The following PCDHGB3 variants were observed in gnomAD, a reference collection of about 807,000 sequenced individuals.
PCDHGB3 encodes protocadherin gamma subfamily B, 3, also known as protocadherin gamma-B3.
A neutral mutation model predicts 59.2 loss-of-function variants in PCDHGB3; 40 were observed. The ratio of observed to expected loss-of-function variants is 0.68; its 90% CI spans 0.52 to 0.88. PCDHGB3 has a LOEUF of 0.88. Among genes scored for constraint, PCDHGB3 ranks in the 40% least tolerant of loss-of-function variants. The pLI is 0.00. For missense variants in PCDHGB3, 1,309 were observed against 1,187.9 expected (o/e 1.10, Z -1.50); for synonymous variants, 581 against 503.6 (o/e 1.15, Z -2.06).
Position 141,409,704 on chromosome 5 carries a change from T to C in PCDHGB3, c.2415+36895T>C. ...GCGAGTGACCTAGAGCCCCTGGCGG[T>C]GTCGTCATACGTGTCAGTGAGCGCG... On this transcript the variant is annotated intron_variant, in intron 1 of 3. Transcript: ENST00000576222. 6.2e-7 allele frequency: 1 copy of C among 1,613,248 alleles called. No homozygotes were observed. Among genetic ancestry groups the C allele is most frequent in the South Asian group, 1.1e-5 (1 of 91,072 alleles).
At chr5:141,376,617 G>A (rs1235600949) in intron 1 of PCDHGB3, 24 of 1,406,610 alleles carry the variant, frequency 1.7e-5, no homozygotes, top group Non-Finnish European at 2.2e-5. Context: ...ACCTCTTTTG[G>A]TACAGGAAGA....
At chr5:141,406,515 T>C (rs2094818414) in intron 1 of PCDHGB3, among the ~76,000 whole-genome samples, 1 of 152,234 alleles carries the variant, frequency 6.6e-6, no homozygotes, top group Non-Finnish European at 1.5e-5. Context: ...TGTTTGTGTT[T>C]ACAGATATTT....
At chr5:141,450,006 CTT>C (rs1554136305) in intron 1 of PCDHGB3, among the ~76,000 whole-genome samples, 13 of 132,938 alleles carry the variant, frequency 9.8e-5, no homozygotes, top group Non-Finnish European at 7.9e-5. Flanking sequence ...TGCCATGTCT[CTT>C]TTTTTTTTTT....
chr5:141,412,942 A>G, intron 1 of PCDHGB3: 1 of 465,476 alleles, frequency 2.1e-6, no homozygotes, highest in Non-Finnish European at 3.8e-6. Flanking sequence ...TAGGACTCTG[A>G]GCGCCGCTGT....
intron 1 of PCDHGB3, chr5:141,374,236 T>G: frequency 6.2e-7 from 1 of 1,613,974 alleles, no homozygotes; most frequent in African/African-American, 1.3e-5. Flanking sequence ...TCGTCAAGGA[T>G]CTGGGACTGG....
At chr5:141,389,498 A>T (rs376900362) in intron 1 of PCDHGB3, 6 of 1,612,928 alleles carry the variant, frequency 3.7e-6, no homozygotes, top group African/African-American at 1.3e-5. Context: ...AGGGCTCGCC[A>T]GCGCTCAGCG....
chr5:141,420,065 G>T, intron 1 of PCDHGB3: 1 of 1,614,018 alleles, frequency 6.2e-7, no homozygotes, highest in East Asian at 2.2e-5. Flanking sequence ...CTCCAAGTCC[G>T]GACCTGTGGG....
At position 141,432,554 on chromosome 5, in the gene PCDHGB3, G is replaced by A. The variant is rs757821109; in HGVS notation, c.2415+59745G>A. The A allele has an allele frequency of 9.3e-6, 15 of 1,613,832 alleles. No homozygotes were observed. Among genetic ancestry groups the A allele is most frequent in the Non-Finnish European group, 1.3e-5 (15 of 1,180,006 alleles). On this transcript the variant is annotated intron_variant, in intron 1 of 3. Coordinates refer to ENST00000576222, the MANE Select transcript of PCDHGB3 (RefSeq NM_018924.5). The surrounding 1 kb of genome is among the most constrained non-coding windows in gnomAD (Gnocchi z 6.0). ...GGTGGTGGCGGTGGACAGAGACTCCGGCCAGAACGCCTGGCTGTCCTACCG... is the reference window on the plus strand; with the variant it reads ...GGTGGTGGCGGTGGACAGAGACTCCAGCCAGAACGCCTGGCTGTCCTACCG...
rs2097383894 is a variant in PCDHGB3, at chr5:141,431,489, C to T, written c.2415+58680C>T. On this transcript the variant is annotated intron_variant, in intron 1 of 3. Transcript: ENST00000576222. This position sits in a 1 kb window ranked among gnomAD's most constrained non-coding sequence, Gnocchi z 4.8. ...GAACGACAACGCACCAGCGTTTGCTCAGCCCGAGTACCGCGCGAGCGTTCC... is the reference window on the plus strand; with the variant it reads ...GAACGACAACGCACCAGCGTTTGCTTAGCCCGAGTACCGCGCGAGCGTTCC... The T allele has an allele frequency of 1.2e-6, 2 of 1,613,850 alleles. No homozygotes were observed. The highest frequency in any genetic ancestry group is 3.3e-5 in the Admixed American group (2 of 60,016).
rs894786663 is a variant in PCDHGB3 at position 141,371,734 on chromosome 5, A to G, written c.1340A>G (p.Asp447Gly). The G allele has an allele frequency of 1.2e-6, 2 of 1,614,042 alleles. No individual in the cohort carries two copies. Among genetic ancestry groups the G allele is most frequent in the Non-Finnish European group, 1.7e-6 (2 of 1,179,892 alleles). ...ACTCTGCACATCCTTGATGTCAACG[A>G]CAACGTTCCCGTTTTCCACCAGGCC... Reference protein sequence around the residue: ...TITLHILDVNDNVPVFHQASY... With the variant: ...TITLHILDVNGNVPVFHQASY... Residue 447 changes from aspartate (D) to glycine (G), a missense_variant, in exon 1 of 4, where the codon GAC becomes GGC. Coordinates refer to ENST00000576222, the MANE Select transcript of PCDHGB3 (RefSeq NM_018924.5).
Position 141,371,021 on chromosome 5 carries a change from C to T in PCDHGB3, c.627C>T (p.His209=), listed in dbSNP as rs1767401708. ...PLDREEQPHH[H]LVLTAVDGGE... ...ACAGGGAAGAGCAGCCACATCACCA[C>T]CTGGTCCTCACAGCTGTGGATGGGG... Residue 209 remains histidine, a synonymous_variant, in exon 1 of 4, where the codon CAC becomes CAT. Transcript: ENST00000576222. The T allele has an allele frequency of 1.2e-6, 2 of 1,614,026 alleles. No individual in the cohort carries two copies. The highest frequency in any genetic ancestry group is 2.2e-5 in the South Asian group (2 of 91,092).
chr5:141,376,447 C>T (rs777597745), intron 1 of PCDHGB3: 83 of 1,614,064 alleles, frequency 5.1e-5, no homozygotes, highest in Admixed American at 1.3e-4. Context: ...ATGAGAAAAG[C>T]GAGCCTCTTC....
At chr5:141,384,870 C>G in intron 1 of PCDHGB3, 4 of 1,613,806 alleles carry the variant, frequency 2.5e-6, no homozygotes, top group South Asian at 1.1e-5. Context: ...TGTCAGCCAC[C>G]GTCACACTCA....
intron 2 of PCDHGB3, among the ~76,000 whole-genome samples, chr5:141,502,135 G>A (rs1254187943): frequency 6.6e-6 from 1 of 152,154 alleles, no homozygotes; most frequent in East Asian, 1.9e-4. Context: ...GAGCTCAGTC[G>A]GGCCGGAAGT....
intron 1 of PCDHGB3, chr5:141,421,895 G>T: frequency 2.5e-6 from 4 of 1,613,730 alleles, no homozygotes; most frequent in Non-Finnish European, 3.4e-6. Context: ...GATCCCATCC[G>T]AAAGGGCGCA....
chr5:141,413,739 C>A (rs748041372), intron 1 of PCDHGB3: 1 of 1,613,424 alleles, frequency 6.2e-7, no homozygotes, highest in South Asian at 1.1e-5. Context: ...GAGTTCAGAG[C>A]CGTGCCAATG....
Position 141,372,680 on chromosome 5 carries a change from C to T in PCDHGB3, c.2286C>T (p.Asn762=). 6.2e-7 allele frequency: 1 copy of T among 1,614,016 alleles called. No homozygotes were observed. Among genetic ancestry groups the T allele is most frequent in the South Asian group, 1.1e-5 (1 of 91,086 alleles). Residue 762 remains asparagine, a synonymous_variant, in exon 1 of 4, where the codon AAC becomes AAT. Coordinates refer to ENST00000576222, the MANE Select transcript of PCDHGB3 (RefSeq NM_018924.5). ...CGTGTGCTGCCTCACATTCCTCAAACACCGAGTTTAAATTTCTCAATATAA... is the reference window on the plus strand; with the variant it reads ...CGTGTGCTGCCTCACATTCCTCAAATACCGAGTTTAAATTTCTCAATATAA... ...YNPCAASHSS[N]TEFKFLNIKA...
intron 1 of PCDHGB3, among the ~76,000 whole-genome samples, chr5:141,494,496 T>A (rs147870810): frequency 2.9e-3 from 442 of 152,264 alleles, no homozygotes; most frequent in Non-Finnish European, 4.9e-3. Flanking sequence ...ATGCCTTCAG[T>A]CCTTGAATTT....
intron 2 of PCDHGB3, among the ~76,000 whole-genome samples, chr5:141,496,841 G>C (rs2099771828): frequency 6.6e-6 from 1 of 151,398 alleles, no homozygotes; most frequent in South Asian, 2.1e-4. Context: ...GAACTCATAG[G>C]CTTCCAGACC....
Sources: allele counts gnomAD v4.1 joint callset (sites outside exome capture counted in the v4.1 genomes callset), GRCh38; gene constraint gnomAD v4.1.1; non-coding constraint Gnocchi (gnomAD v3.1); transcripts MANE v1.5; gene names NCBI Gene and HGNC (gene_info 2026-07-23, HGNC 2026-07-21).